The following PDE4DIP variants were observed in gnomAD, a reference collection of about 807,000 sequenced individuals.
PDE4DIP encodes phosphodiesterase 4D interacting protein, also known as myomegalin.
A neutral mutation model predicts 221.4 loss-of-function variants in PDE4DIP; 59 were observed. The ratio of observed to expected loss-of-function variants is 0.27; its 90% CI spans 0.22 to 0.33. The LOEUF (loss-of-function observed/expected upper bound fraction) is 0.33, where lower values mean the gene tolerates loss of function less well. Among genes scored for constraint, PDE4DIP ranks in the 10% least tolerant of loss-of-function variants. PDE4DIP has a pLI of 1.00. For missense variants in PDE4DIP, 1,036 were observed against 2,154.2 expected (o/e 0.48, Z 10.28); for synonymous variants, 404 against 815.9 (o/e 0.50, Z 8.60).
At chr1:148,992,340 A>G in intron 22 of PDE4DIP, 3 of 1,576,544 alleles carry the variant, frequency 1.9e-6, no homozygotes, top group South Asian at 1.2e-5. Flanking sequence ...CACAGAAGAC[A>G]GGGAGTCATC....
intron 21 of PDE4DIP, chr1:148,984,951 G>T (rs1278993674): frequency 4.6e-5 from 7 of 151,976 alleles, no homozygotes; most frequent in Non-Finnish European, 8.8e-5. Flanking sequence ...TTCAAGTAGG[G>T]TATCATGTAG....
intron 5 of PDE4DIP, among the ~76,000 whole-genome samples, chr1:148,954,725 C>G (rs2054719801): frequency 6.6e-6 from 1 of 152,000 alleles, no homozygotes; most frequent in African/African-American, 2.4e-5. Context: ...CCAATTGATT[C>G]TGTACCAACC....
chr1:148,876,242 TC>T (rs1691291934), intron 3 of PDE4DIP, among the ~76,000 whole-genome samples: 1 of 85,612 alleles, frequency 1.2e-5, no homozygotes, highest in African/African-American at 4.7e-5. Context: ...TCTTCTCTTC[TC>T]CCGTTGTTCG....
rs143410813 is a variant in PDE4DIP, at chr1:148,953,512, T to A, written c.637-7142T>A. 4 of 1,613,906 alleles carry A rather than the reference T, an allele frequency of 2.5e-6. No individual in the cohort carries two copies. The South Asian group carries it at 3.3e-5, about 13-fold the overall frequency. ...AGACGCCTGGTTCCTCTGTGGAATC[T>A]TTGGATGCAAGCGTCCAGGCTAGCC... On this transcript the variant is annotated intron_variant, in intron 5 of 43. Coordinates refer to ENST00000369354, the Ensembl canonical transcript of PDE4DIP.
rs782074544 is a variant in PDE4DIP, at chr1:148,969,036, G to C, written c.1980+6G>C. On this transcript the variant is annotated splice_donor_region_variant and intron_variant, in intron 14 of 43. Transcript: ENST00000369354. ...CCAGGGAGCAGGAAAGCCAAGTAAG[G>C]ATTAATGCACAGATCAGACAAGTGT... 5 of 1,600,242 alleles carry C rather than the reference G, an allele frequency of 3.1e-6. No individual in the cohort carries two copies. The East Asian group carries it at 1.1e-4, about 36-fold the overall frequency.
chr1:148,952,026 T>A (rs1197413720), intron 5 of PDE4DIP: 8 of 1,005,446 alleles, frequency 8.0e-6, no homozygotes, highest in African/African-American at 1.7e-5. Context: ...GCTGCCCCGC[T>A]GGCAGCCGGA....
rs1553606823 is a variant in PDE4DIP, at chr1:149,012,795, G to C, written c.5266+19G>C. 1.3e-6 allele frequency: 2 copies of C among 1,506,556 alleles called. No homozygotes were observed. The highest frequency in any genetic ancestry group is 2.8e-5 in the African/African-American group (2 of 72,362). 93.3% of individuals were successfully genotyped at this position (1,506,556 alleles called of 1,614,324 possible). The stretch of plus-strand genomic sequence containing the variant: ...GGAGAAAGTGAGCACTTCTGCATTT[G>C]TGTGCTTGCGATTGGCAGCCCCACA... On this transcript the variant is annotated intron_variant, in intron 32 of 43. Transcript: ENST00000369354.
intron 5 of PDE4DIP, among the ~76,000 whole-genome samples, chr1:148,950,137 ATTTTCCTAATAG>A (rs2052785250): frequency 6.6e-6 from 1 of 152,070 alleles, no homozygotes. Flanking sequence ...TTTCATTCAC[ATTTTCCTAATAG>A]GAAAATGTGG....
chr1:148,954,160 A>T (rs1423205770), intron 5 of PDE4DIP, among the ~76,000 whole-genome samples: 1 of 152,232 alleles, frequency 6.6e-6, no homozygotes, highest in Non-Finnish European at 1.5e-5. Flanking sequence ...TAAAACAAAA[A>T]GGTAAAGATT....
chr1:148,952,221 C>G (rs1553489903), intron 5 of PDE4DIP: 1 of 1,022,320 alleles, frequency 9.8e-7, no homozygotes, highest in South Asian at 4.7e-5. Flanking sequence ...GCTCCGCACT[C>G]GCCGTGAGCC....
intron 38 of PDE4DIP, chr1:149,025,756 T>C (rs1479280091): frequency 1.4e-5 from 2 of 146,784 alleles, no homozygotes; most frequent in Admixed American, 6.9e-5. Flanking sequence ...GTCATGTTAA[T>C]CTTTGTTTTT....
At chr1:148,941,340 G>A (rs1167671121) in intron 5 of PDE4DIP, among the ~76,000 whole-genome samples, 1 of 55,508 alleles carries the variant, frequency 1.8e-5, no homozygotes, top group African/African-American at 8.9e-5. Flanking sequence ...ATACAGTGAT[G>A]TGGAACACAG....
Position 149,022,031 on chromosome 1 carries a change from T to C in PDE4DIP, c.6085+878T>C, listed in dbSNP as rs1265772444. ...GCAAAATCCTGAGCTTGATTAAAAATATCAGTGGTAGAAATATAGGATGAG... is the reference window on the plus strand; with the variant it reads ...GCAAAATCCTGAGCTTGATTAAAAACATCAGTGGTAGAAATATAGGATGAG... On this transcript the variant is annotated intron_variant, in intron 37 of 43. Coordinates refer to ENST00000369354, the Ensembl canonical transcript of PDE4DIP. 1.3e-5 allele frequency among the ~76,000 whole-genome samples: 2 copies of C among 150,026 alleles called. 1 individual carries two copies. The highest frequency in any genetic ancestry group is 2.9e-5 in the Non-Finnish European group (2 of 67,906).
At chr1:149,012,835 A>G (rs2069010345) in intron 32 of PDE4DIP, 59 bp downstream of exon 35, 1 of 1,037,324 alleles carries the variant, frequency 9.6e-7, no homozygotes. Flanking sequence ...GTTGCTCTGC[A>G]TGGCTCGGGC....
intron 23 of PDE4DIP, among the ~76,000 whole-genome samples, chr1:148,999,389 T>C (rs1262853763): frequency 6.6e-6 from 1 of 152,200 alleles, no homozygotes; most frequent in Non-Finnish European, 1.5e-5. Context: ...ATGTTAGCAC[T>C]TTGAAAAGGG....
intron 14 of PDE4DIP, among the ~76,000 whole-genome samples, chr1:148,971,423 G>T (rs1445438255): frequency 6.7e-6 from 1 of 148,582 alleles, no homozygotes; most frequent in African/African-American, 2.5e-5. Flanking sequence ...AGAAGAGATT[G>T]CTGGGTTTTA....
intron 1 of PDE4DIP, among the ~76,000 whole-genome samples, chr1:148,920,023 C>T (rs2045163676): frequency 6.9e-6 from 1 of 144,400 alleles, no homozygotes; most frequent in African/African-American, 2.7e-5. Context: ...AAGAAAAGCA[C>T]TTAGGTTTTG....
intron 37 of PDE4DIP, among the ~76,000 whole-genome samples, chr1:149,023,043 T>A (rs1443516342): frequency 6.6e-6 from 1 of 152,282 alleles, no homozygotes; most frequent in Admixed American, 6.5e-5. Context: ...AATTCAAGAG[T>A]AGATTATTTA....
intron 4 of PDE4DIP, among the ~76,000 whole-genome samples, chr1:148,933,982 G>A (rs2048635531): frequency 6.8e-6 from 1 of 147,808 alleles, no homozygotes; most frequent in Non-Finnish European, 1.5e-5. Context: ...GAAAAAATTG[G>A]CATCTGGAGA....
Sources: gnomAD v4.1 joint callset for allele counts (sites outside exome capture counted in the v4.1 genomes callset) on GRCh38, gnomAD v4.1.1 for gene constraint, MANE v1.5 for transcripts, NCBI Gene and HGNC (gene_info 2026-07-23, HGNC 2026-07-21) for gene names.